TTC7A: variants seen among roughly 807,000 people sequenced by gnomAD.
TTC7A encodes the protein tetratricopeptide repeat protein 7A.
TTC7A carries 110 observed loss-of-function variants against 103.7 expected under a neutral mutation model. That is an observed-to-expected ratio of 1.06 (90% CI 0.91 to 1.24). The LOEUF (loss-of-function observed/expected upper bound fraction) is 1.24. Among genes scored for constraint, TTC7A ranks in the 50% most tolerant of loss-of-function variants. The pLI, the probability that TTC7A is intolerant of heterozygous loss-of-function variation, is 0.00. For missense variants in TTC7A, 1,340 were observed against 1,116.3 expected (o/e 1.20, Z -2.86); for synonymous variants, 521 against 467.9 (o/e 1.11, Z -1.47).
rs1040927891 is a variant in TTC7A, at chr2:47,007,911, G to A, written c.1287+1187G>A. Among the ~76,000 whole-genome samples, 18 of 152,230 alleles carry A rather than the reference G, an allele frequency of 1.2e-4. No individual in the cohort carries two copies. Among genetic ancestry groups the A allele is most frequent in the African/African-American group, 4.3e-4 (18 of 41,464 alleles). ...AGGGAGAATTCAGAACACAGGGCAAGGCCCTGGCCCTCCAAGGGTTAGAGA... is the reference window on the plus strand; with the variant it reads ...AGGGAGAATTCAGAACACAGGGCAAAGCCCTGGCCCTCCAAGGGTTAGAGA... On this transcript the variant is annotated intron_variant, in intron 10 of 19. Coordinates refer to ENST00000319190, the MANE Select transcript of TTC7A (RefSeq NM_020458.4). This position sits in a 1 kb window ranked among gnomAD's most constrained non-coding sequence, Gnocchi z 4.9.
intron 4 of TTC7A, among the ~76,000 whole-genome samples, chr2:46,976,688 G>A (rs62138161): frequency 4.1e-4 from 62 of 152,276 alleles, no homozygotes; most frequent in African/African-American, 7.5e-4. Context: ...GGGGGCTGCC[G>A]TGTATATTAT....
chr2:47,028,327 G>T (rs971446692), intron 14 of TTC7A, among the ~76,000 whole-genome samples: 1 of 152,184 alleles, frequency 6.6e-6, no homozygotes, highest in African/African-American at 2.4e-5. Flanking sequence ...TTGCAGGTGG[G>T]GCCCTGGCCA....
At chr2:46,987,807 CGCGT>C (rs1675174502) in intron 5 of TTC7A, among the ~76,000 whole-genome samples, 1 of 110,038 alleles carries the variant, frequency 9.1e-6, no homozygotes, top group African/African-American at 3.4e-5. Context: ...TCCCTTTCCG[CGCGT>C]GTGTGTGTGT....
intron 1 of TTC7A, among the ~76,000 whole-genome samples, chr2:46,945,743 T>C (rs1046533222): frequency 2.0e-5 from 3 of 150,864 alleles, no homozygotes; most frequent in Non-Finnish European, 4.4e-5. Context: ...ACTTTTTTTT[T>C]CTTCTTCTTA....
At chr2:46,940,785 A>G (rs1670263859), upstream of TTC7A, among the ~76,000 whole-genome samples, 2 of 152,168 alleles carry the variant, frequency 1.3e-5, no homozygotes, top group South Asian at 4.1e-4. This position sits in a 1 kb window ranked among gnomAD's most constrained non-coding sequence, Gnocchi z 4.7. Flanking sequence ...CCCGCATCGC[A>G]ACAGGGCGGG....
At chr2:47,070,814 T>C (rs1684618936) in intron 19 of TTC7A, among the ~76,000 whole-genome samples, 1 of 152,112 alleles carries the variant, frequency 6.6e-6, no homozygotes, top group South Asian at 2.1e-4. Context: ...AGCGCCCCCT[T>C]GGAGGTACGA....
At chr2:46,969,058 C>G (rs1673118601) in intron 3 of TTC7A, among the ~76,000 whole-genome samples, 1 of 151,826 alleles carries the variant, frequency 6.6e-6, no homozygotes, top group South Asian at 2.1e-4. Flanking sequence ...TGGGCCACCA[C>G]TCCTGGCCTT....
chr2:46,999,883 G>T, intron 8 of TTC7A: 1 of 985,396 alleles, frequency 1.0e-6, no homozygotes. Context: ...TGTTGAGAGT[G>T]GGGTGGATAG....
intron 7 of TTC7A, 35 bp downstream of exon 7, chr2:46,994,549 C>T: frequency 5.0e-6 from 8 of 1,606,814 alleles, no homozygotes; most frequent in Non-Finnish European, 6.8e-6. Flanking sequence ...CCTTGCCAGT[C>T]TCACATCTCA....
intron 2 of TTC7A, among the ~76,000 whole-genome samples, chr2:46,917,452 T>C (rs1021632140): frequency 1.3e-5 from 2 of 152,206 alleles, no homozygotes; most frequent in African/African-American, 4.8e-5. Flanking sequence ...CTCCCTTTGT[T>C]CATTTATTCA....
Position 47,074,278 on chromosome 2 carries a change from T to C in TTC7A, c.*355T>C, listed in dbSNP as rs576245940. On this transcript the variant is annotated 3_prime_UTR_variant, in exon 20 of 20. Transcript: ENST00000319190. ...GGTGGGGGGTTCTCACTCCCCACTC[T>C]CAGCACAGTACAGACTTCTGGATCT... 209 of 334,954 alleles carry C rather than the reference T, an allele frequency of 6.2e-4. 4 individuals are homozygous for C. Among genetic ancestry groups the C allele is most frequent in the South Asian group, 6.0e-3 (189 of 31,458 alleles). 20.7% of individuals were successfully genotyped at this position (334,954 alleles called of 1,614,324 possible). A position where few individuals can be genotyped will look rare whatever the true frequency, so the allele number is the denominator to read the frequency against.
At chr2:46,917,169 T>C in intron 1 of TTC7A, 5 of 701,616 alleles carry the variant, frequency 7.1e-6, no homozygotes, top group South Asian at 1.5e-5. Flanking sequence ...CTAATTTTTT[T>C]TTCTTTTTTT....
upstream of TTC7A, chr2:46,915,929 A>C: frequency 2.0e-6 from 2 of 984,916 alleles, no homozygotes; most frequent in Non-Finnish European, 2.4e-6. Flanking sequence ...GCGTGAGTCC[A>C]CGTGTAATCG....
intron 2 of TTC7A, among the ~76,000 whole-genome samples, chr2:46,933,644 A>T (rs1162783044): frequency 6.6e-6 from 1 of 152,218 alleles, no homozygotes; most frequent in Non-Finnish European, 1.5e-5. Flanking sequence ...GGTAATGAGT[A>T]AAAGTTGATT....
At chr2:47,015,908 G>A (rs1678604132) in intron 11 of TTC7A, among the ~76,000 whole-genome samples, 1 of 152,108 alleles carries the variant, frequency 6.6e-6, no homozygotes, top group South Asian at 2.1e-4. Context: ...GGATTTTTCA[G>A]TAGAGCAGCT....
intron 2 of TTC7A, among the ~76,000 whole-genome samples, chr2:46,921,492 T>C (rs906273043): frequency 5.3e-5 from 8 of 152,254 alleles, no homozygotes; most frequent in Non-Finnish European, 8.8e-5. Flanking sequence ...TTCTGTTCTC[T>C]GAAGTTCTTG....
intron 5 of TTC7A, among the ~76,000 whole-genome samples, chr2:46,980,127 C>T (rs1357382708): frequency 1.3e-5 from 2 of 151,828 alleles, no homozygotes; most frequent in African/African-American, 2.4e-5. Context: ...CTTTTCATTA[C>T]ATGCTTTTGA....
chr2:47,067,218 T>TC (rs1480923798), intron 19 of TTC7A, among the ~76,000 whole-genome samples: 1 of 152,266 alleles, frequency 6.6e-6, no homozygotes, highest in Non-Finnish European at 1.5e-5. Context: ...CTCAGTTTTT[T>TC]CTGCTATCAA....
chr2:46,956,811 C>G, intron 2 of TTC7A, 28 bp from the exon 3 acceptor site: 1 of 1,612,632 alleles, frequency 6.2e-7, no homozygotes, highest in Non-Finnish European at 8.5e-7. Flanking sequence ...TTGGGGCAGG[C>G]GCTGGTAACA....
Sources: gnomAD v4.1 joint callset for allele counts (sites outside exome capture counted in the v4.1 genomes callset) on GRCh38, gnomAD v4.1.1 for gene constraint, Gnocchi (gnomAD v3.1) non-coding constraint, MANE v1.5 for transcripts, NCBI Gene and HGNC (gene_info 2026-07-23, HGNC 2026-07-21) for gene names.